The following MRRF variants were observed in gnomAD, a reference collection of about 807,000 sequenced individuals.
The protein encoded by MRRF is ribosome-recycling factor, mitochondrial.
MRRF carries 18 observed loss-of-function variants against 25.1 expected under a neutral mutation model. The observed-to-expected ratio is 0.72, with a 90% CI of 0.50 to 1.06. The LOEUF (loss-of-function observed/expected upper bound fraction) is 1.06. Ranked by LOEUF, MRRF falls within the 50% of genes least tolerant of loss-of-function variation. The pLI is 0.00. For missense variants in MRRF, 323 were observed against 319.3 expected (o/e 1.01, Z -0.09); for synonymous variants, 113 against 112.1 (o/e 1.01, Z -0.05).
At chr9:122,316,391 G>A (rs1426146870) in intron 6 of MRRF, among the ~76,000 whole-genome samples, 1 of 152,032 alleles carries the variant, frequency 6.6e-6, no homozygotes, top group Non-Finnish European at 1.5e-5. Context: ...TGCCAGGCTG[G>A]TCTTGAACTC....
At chr9:122,283,295 A>G (rs541052732) in intron 3 of MRRF, among the ~76,000 whole-genome samples, 2 of 152,098 alleles carry the variant, frequency 1.3e-5, no homozygotes, top group African/African-American at 4.8e-5. Flanking sequence ...AGGTTTCACT[A>G]TGTTGGCCAG....
At chr9:122,271,985 A>G (rs993346341) in intron 2 of MRRF, among the ~76,000 whole-genome samples, 1 of 152,256 alleles carries the variant, frequency 6.6e-6, no homozygotes, top group Non-Finnish European at 1.5e-5. Context: ...CTGGAAGAAC[A>G]GTAATGCTTA....
intron 5 of MRRF, among the ~76,000 whole-genome samples, chr9:122,297,226 T>C (rs1445047537): frequency 1.3e-5 from 2 of 152,132 alleles, no homozygotes; most frequent in African/African-American, 4.8e-5. Context: ...GGTGAATCGC[T>C]TGAACCCGGG....
intron 1 of MRRF, chr9:122,265,676 A>C: frequency 4.2e-6 from 4 of 963,584 alleles, no homozygotes; most frequent in Non-Finnish European, 5.8e-6. Context: ...TCTACGTAGG[A>C]GAAATCACTT....
intron 3 of MRRF, among the ~76,000 whole-genome samples, chr9:122,283,397 A>G (rs575056466): frequency 4.0e-4 from 61 of 152,298 alleles, no homozygotes; most frequent in Non-Finnish European, 6.2e-4. Flanking sequence ...CCGGTGAGAT[A>G]TAAGTACAAT....
rs1425591973 is a variant in MRRF, at chr9:122,305,995, CTA to C, written c.552-7230_552-7229del. 7.2e-5 allele frequency among the ~76,000 whole-genome samples: 11 copies of C among 152,200 alleles called. 1 individual carries two copies. The highest frequency in any genetic ancestry group is 2.9e-5 in the Non-Finnish European group (2 of 68,026). ...AACTTTTGAGATCAGTATGTTATCT[CTA>C]TCTTACAGATGAGGTAACTAAGTCA... On this transcript the variant is annotated intron_variant, in intron 5 of 6. Transcript: ENST00000344641.
intron 2 of MRRF, among the ~76,000 whole-genome samples, chr9:122,280,098 C>T (rs1441937934): frequency 6.6e-6 from 1 of 152,148 alleles, no homozygotes; most frequent in African/African-American, 2.4e-5. Context: ...TAATTTGTAT[C>T]CTTGTAGCAA....
intron 5 of MRRF, 127 bp from the exon 6 acceptor site, chr9:122,313,100 T>C: frequency 1.0e-6 from 1 of 988,198 alleles, no homozygotes; most frequent in Non-Finnish European, 1.6e-6. Context: ...TCCTGGAAAT[T>C]CCAGGAGTTC....
intron 5 of MRRF, among the ~76,000 whole-genome samples, chr9:122,297,236 G>A (rs1343695783): frequency 3.3e-5 from 5 of 152,146 alleles, no homozygotes; most frequent in African/African-American, 1.2e-4. Context: ...TTGAACCCGG[G>A]AGGTGGAGGT....
intron 5 of MRRF, among the ~76,000 whole-genome samples, chr9:122,305,836 C>G (rs1234623660): frequency 6.6e-6 from 1 of 152,160 alleles, no homozygotes; most frequent in Non-Finnish European, 1.5e-5. Flanking sequence ...CAGTTTTGTT[C>G]ATTGCTGTAT....
Position 122,325,490 on chromosome 9 carries a change from CCT to C in MRRF, c.*2879_*2880del, listed in dbSNP as rs749977222. Reference sequence around the variant, plus strand: ...ATTCTCCATCTCTTCTCTCCTACAGCCTCTCTCAAAAAGAAACACTGGGTATG... The same window carrying C: ...ATTCTCCATCTCTTCTCTCCTACAGCCTCTCAAAAAGAAACACTGGGTATG... On this transcript the variant is annotated 3_prime_UTR_variant, in exon 7 of 7. Coordinates refer to ENST00000344641, the MANE Select transcript of MRRF (RefSeq NM_138777.5). 2.0e-5 allele frequency: 3 copies of C among 152,152 alleles called. No individual in the cohort carries two copies. Among genetic ancestry groups the C allele is most frequent in the Admixed American group, 6.6e-5 (1 of 15,262 alleles). The allele number at this position is 152,152 out of a possible 1,614,324, so 9.4% of individuals were successfully genotyped here.
intron 6 of MRRF, among the ~76,000 whole-genome samples, chr9:122,321,774 G>T (rs1349881047): frequency 2.6e-5 from 4 of 151,148 alleles, no homozygotes; most frequent in African/African-American, 4.9e-5. Context: ...TAACTATTGG[G>T]ATCTTAATAT....
intron 6 of MRRF, among the ~76,000 whole-genome samples, 182 bp downstream of exon 6, chr9:122,313,568 ATAAGACACTTG>A (rs1835333299): frequency 6.6e-6 from 1 of 152,210 alleles, no homozygotes; most frequent in South Asian, 2.1e-4. Flanking sequence ...ATAGAGGAGG[ATAAGACACTTG>A]TATTGTGTAC....
At chr9:122,297,092 A>G (rs1834136580) in intron 5 of MRRF, among the ~76,000 whole-genome samples, 1 of 152,228 alleles carries the variant, frequency 6.6e-6, no homozygotes, top group Non-Finnish European at 1.5e-5. Flanking sequence ...AGGCAGGCAG[A>G]TCACAAGGTC....
At chr9:122,273,290 A>T (rs910641241) in intron 2 of MRRF, among the ~76,000 whole-genome samples, 1 of 151,876 alleles carries the variant, frequency 6.6e-6, no homozygotes, top group African/African-American at 2.4e-5. Context: ...GTCTCTACAA[A>T]AATTAGCCAG....
At chr9:122,322,133 G>A (rs1258094520) in intron 6 of MRRF, among the ~76,000 whole-genome samples, 1 of 152,168 alleles carries the variant, frequency 6.6e-6, no homozygotes, top group Non-Finnish European at 1.5e-5. Context: ...GGCCAAGGCA[G>A]GAGGATCACG....
chr9:122,280,820 G>C (rs1017643224), intron 3 of MRRF, among the ~76,000 whole-genome samples: 2 of 152,160 alleles, frequency 1.3e-5, no homozygotes, highest in Non-Finnish European at 2.9e-5. Flanking sequence ...CATAGTGCCT[G>C]GCGCATAGTT....
chr9:122,311,302 C>A (rs953083177), intron 5 of MRRF, among the ~76,000 whole-genome samples: 4 of 152,198 alleles, frequency 2.6e-5, no homozygotes, highest in African/African-American at 4.8e-5. Flanking sequence ...CCTTCTCCCC[C>A]TCAGCCCTCC....
intron 5 of MRRF, among the ~76,000 whole-genome samples, chr9:122,303,520 C>G (rs1050617323): frequency 7.9e-5 from 12 of 151,822 alleles, no homozygotes; most frequent in African/African-American, 2.9e-4. Flanking sequence ...GCTGGGACTA[C>G]AGGCATGAGC....
Sources: allele counts gnomAD v4.1 joint callset (sites outside exome capture counted in the v4.1 genomes callset), GRCh38; gene constraint gnomAD v4.1.1; transcripts MANE v1.5; gene names NCBI Gene and HGNC (gene_info 2026-07-23, HGNC 2026-07-21).